Variants in SDK1 observed in about 807,000 individuals in gnomAD.
SDK1 encodes protein sidekick-1.
SDK1 carries 157 observed loss-of-function variants against 245.5 expected under a neutral mutation model. The ratio of observed to expected loss-of-function variants is 0.64; its 90% CI spans 0.56 to 0.73. The LOEUF (loss-of-function observed/expected upper bound fraction) is 0.73, where lower values mean the gene tolerates loss of function less well. Ranked by LOEUF, SDK1 falls within the 30% of genes least tolerant of loss-of-function variation. The pLI, the probability that SDK1 is intolerant of heterozygous loss-of-function variation, is 0.00. For synonymous variants in SDK1, 1,647 were observed against 1,278.5 expected, an observed-to-expected ratio of 1.29 and a Z score of -6.15; for missense variants, 3,583 against 3,002.3, an observed-to-expected ratio of 1.19 and a Z score of -4.52.
chr7:3,513,525 G>A (rs1327985760), intron 1 of SDK1, among the ~76,000 whole-genome samples: 1 of 152,078 alleles, frequency 6.6e-6, no homozygotes, highest in Non-Finnish European at 1.5e-5. Context: ...GACTGATGTG[G>A]CCAACAGATG....
At chr7:4,169,450 G>A (rs1177412233) in intron 32 of SDK1, among the ~76,000 whole-genome samples, 1 of 152,168 alleles carries the variant, frequency 6.6e-6, no homozygotes, top group Non-Finnish European at 1.5e-5. Flanking sequence ...CTTGCAGAGG[G>A]CCAGCCCTTC....
At chr7:3,947,694 A>G (rs887047589) in intron 5 of SDK1, among the ~76,000 whole-genome samples, 1 of 151,368 alleles carries the variant, frequency 6.6e-6, no homozygotes, top group Non-Finnish European at 1.5e-5. Context: ...ATATACACAT[A>G]TATATTTATA....
At chr7:4,245,626 A>C in intron 43 of SDK1, 50 bp from the exon 44 acceptor site, 1 of 1,598,180 alleles carries the variant, frequency 6.3e-7, no homozygotes, top group Non-Finnish European at 8.6e-7. Flanking sequence ...TCCTCCGGGG[A>C]AGGGCGTCTT....
chr7:4,213,790 G>A (rs1040760666), intron 38 of SDK1, among the ~76,000 whole-genome samples: 5 of 152,126 alleles, frequency 3.3e-5, no homozygotes, highest in Non-Finnish European at 7.4e-5. Context: ...CTTCCCTTGT[G>A]TTTTCAGTGT....
intron 4 of SDK1, among the ~76,000 whole-genome samples, chr7:3,809,022 A>G (rs1306227999): frequency 2.6e-5 from 4 of 152,112 alleles, no homozygotes; most frequent in Non-Finnish European, 5.9e-5. Context: ...TTGCATTGTT[A>G]TAAGAGAATA....
intron 17 of SDK1, among the ~76,000 whole-genome samples, chr7:4,042,553 A>G (rs537777919): frequency 7.3e-6 from 1 of 137,148 alleles, no homozygotes; most frequent in East Asian, 2.0e-4. Context: ...AGAAAGGAGC[A>G]TAACACCTGT....
chr7:3,647,443 G>T (rs1186703659), intron 4 of SDK1, among the ~76,000 whole-genome samples: 2 of 152,166 alleles, frequency 1.3e-5, no homozygotes, highest in African/African-American at 2.4e-5. Context: ...GAAAGTTGGA[G>T]ACAGTCTTGC....
At chr7:4,010,708 G>A (rs984320088) in intron 14 of SDK1, among the ~76,000 whole-genome samples, 1 of 152,236 alleles carries the variant, frequency 6.6e-6, no homozygotes, top group African/African-American at 2.4e-5. Context: ...CTTTTAAACC[G>A]CCGTATGCAG....
chr7:3,882,057 ACGTCTT>A (rs1781221355), intron 5 of SDK1, among the ~76,000 whole-genome samples: 1 of 152,244 alleles, frequency 6.6e-6, no homozygotes, highest in African/African-American at 2.4e-5. Flanking sequence ...GGCAAAAGGC[ACGTCTT>A]ACCTGGTGGC....
chr7:4,227,931 G>A (rs1453861025), intron 40 of SDK1, among the ~76,000 whole-genome samples: 8 of 152,300 alleles, frequency 5.3e-5, no homozygotes, highest in South Asian at 2.1e-4. Context: ...TCATTCTGTC[G>A]GCTGGAGACA....
chr7:3,848,156 A>T (rs1780328109), intron 5 of SDK1, among the ~76,000 whole-genome samples: 1 of 152,232 alleles, frequency 6.6e-6, no homozygotes. Context: ...GTTGATCAGG[A>T]TTCTATAATA....
At chr7:3,693,393 C>A (rs369554021) in intron 4 of SDK1, among the ~76,000 whole-genome samples, 3 of 152,058 alleles carry the variant, frequency 2.0e-5, no homozygotes, top group African/African-American at 7.2e-5. Flanking sequence ...TCACAATGGA[C>A]AGTTCAAAAA....
At position 4,079,611 on chromosome 7, in the gene SDK1, G is replaced by A. The variant is rs764584276; in HGVS notation, c.3324+27G>A. ...TACGTGTGTCGTTAGACTGGGAGCT[G>A]GCATTTGCGAAGAGCAGTGTTGGGG... is the stretch of plus-strand genomic sequence containing the variant. On this transcript the variant is annotated intron_variant, in intron 22 of 44. Transcript: ENST00000404826. The A allele has an allele frequency of 7.4e-6, 12 of 1,613,336 alleles. 1 individual carries two copies. The South Asian group carries it at 9.9e-5, about 13-fold the overall frequency.
intron 4 of SDK1, among the ~76,000 whole-genome samples, chr7:3,644,398 A>T (rs570078159): frequency 6.6e-6 from 1 of 152,136 alleles, no homozygotes; most frequent in South Asian, 2.1e-4. Flanking sequence ...CAATAATAAA[A>T]GATGCCTCGA....
chr7:3,565,840 C>G (rs771053251), intron 1 of SDK1, among the ~76,000 whole-genome samples: 45 of 152,304 alleles, frequency 3.0e-4, no homozygotes, highest in African/African-American at 1.0e-3. Context: ...ATATTCAGTA[C>G]AAATGCAATT....
intron 4 of SDK1, among the ~76,000 whole-genome samples, chr7:3,757,787 A>G (rs1230813957): frequency 1.3e-5 from 2 of 152,130 alleles, no homozygotes; most frequent in Non-Finnish European, 2.9e-5. Context: ...CGTTGGTCCT[A>G]GGTGATTGAA....
At chr7:3,487,560 G>C (rs928431004) in intron 1 of SDK1, among the ~76,000 whole-genome samples, 1 of 151,848 alleles carries the variant, frequency 6.6e-6, no homozygotes, top group Non-Finnish European at 1.5e-5. Context: ...TGGGCAACGT[G>C]GTGAAGCCCT....
chr7:4,172,121 C>T (rs745968330), intron 32 of SDK1, among the ~76,000 whole-genome samples: 1 of 152,172 alleles, frequency 6.6e-6, no homozygotes, highest in South Asian at 2.1e-4. Flanking sequence ...TATGCTTTTC[C>T]GCGTCTGAGG....
chr7:4,100,627 G>A (rs1364846722), intron 22 of SDK1, among the ~76,000 whole-genome samples: 4 of 152,134 alleles, frequency 2.6e-5, no homozygotes, highest in Non-Finnish European at 5.9e-5. Flanking sequence ...TCCCCAGCCT[G>A]GAAGGGAGTC....
Sources: allele counts gnomAD v4.1 joint callset (sites outside exome capture counted in the v4.1 genomes callset), GRCh38; gene constraint gnomAD v4.1.1; transcripts MANE v1.5; gene names NCBI Gene and HGNC (gene_info 2026-07-23, HGNC 2026-07-21).